Variants in F8 observed in about 807,000 individuals in gnomAD.
F8 encodes coagulation factor VIII.
A neutral mutation model predicts 140.6 loss-of-function variants in F8; 12 were observed. The ratio of observed to expected loss-of-function variants is 0.09; its 90% CI spans 0.05 to 0.14. The LOEUF (loss-of-function observed/expected upper bound fraction) is 0.14, where lower values mean the gene tolerates loss of function less well. F8 is among the 10% of genes least tolerant of loss of function. The probability of loss-of-function intolerance (pLI) is 1.00; values close to 1 mark genes in which losing one functional copy is unlikely to be tolerated. For missense variants in F8, 1,354 were observed against 1,720.7 expected (o/e 0.79, Z 3.77); for synonymous variants, 585 against 614.6 (o/e 0.95, Z 0.71).
At chrX:154,971,948 T>A (rs1347199883) in intron 6 of F8, among the ~76,000 whole-genome samples, 3 of 112,564 alleles carry the variant, frequency 2.7e-5, no homozygotes, top group Admixed American at 1.9e-4. Flanking sequence ...TAAGTTGATT[T>A]TATATCTTGA....
chrX:154,987,339 T>TA (rs1557284325), intron 4 of F8, 34 bp from the exon 5 acceptor site: 11 of 1,141,505 alleles, frequency 9.6e-6, no homozygotes, highest in Non-Finnish European at 1.3e-5. Flanking sequence ...ATCTTCTATT[T>TA]AAAAAATCTC....
chrX:154,926,860 C>T (rs899040430), intron 14 of F8, among the ~76,000 whole-genome samples: 1 of 111,734 alleles, frequency 8.9e-6, no homozygotes, highest in African/African-American at 3.3e-5. Context: ...ATAGATAGTA[C>T]TTAAAATCAT....
chrX:154,957,388 G>A (rs1435183732), intron 10 of F8, among the ~76,000 whole-genome samples: 1 of 111,488 alleles, frequency 9.0e-6, no homozygotes. Context: ...CTGTGAAAGT[G>A]TCAGGCCTGA....
intron 18 of F8, 60 bp downstream of exon 18, chrX:154,903,846 T>C: frequency 9.4e-7 from 1 of 1,059,358 alleles, no homozygotes; most frequent in Non-Finnish European, 1.3e-6. Context: ...GCCTAGACCA[T>C]TTAAAGTAAG....
intron 25 of F8, among the ~76,000 whole-genome samples, chrX:154,839,393 C>G (rs1196520526): frequency 2.9e-5 from 3 of 104,106 alleles, no homozygotes; most frequent in South Asian, 4.5e-4. Flanking sequence ...GACGGAGTCT[C>G]GCTCTGTCGC....
intron 25 of F8, among the ~76,000 whole-genome samples, chrX:154,847,571 C>A (rs926136043): frequency 3.6e-5 from 4 of 112,238 alleles, no homozygotes; most frequent in African/African-American, 9.7e-5. Flanking sequence ...TCCAGTTGAT[C>A]GCATCGGCTA....
chrX:154,932,520 T>C (rs2073203500), intron 13 of F8, among the ~76,000 whole-genome samples: 1 of 112,165 alleles, frequency 8.9e-6, no homozygotes, highest in Non-Finnish European at 1.9e-5. Context: ...AGATCTTAAC[T>C]GCATCCACCT....
chrX:154,928,996 C>A lies in F8; in HGVS notation c.4794G>T (p.Glu1598Asp), dbSNP rs782798175. Residue 1598 changes from glutamate (E) to aspartate (D), a missense_variant, in exon 14 of 26, where the codon GAG becomes GAT. Coordinates refer to ENST00000360256, the MANE Select transcript of F8 (RefSeq NM_000132.4). ...NHYGTQIPKE[E>D]WKSQEKSPEK... ...CTGGTGACTTCTCTTGGGATTTCCACTCTTCTTTTGGTATCTGAGTACCAT... is the reference window on the plus strand; with the variant it reads ...CTGGTGACTTCTCTTGGGATTTCCAATCTTCTTTTGGTATCTGAGTACCAT... 5.3e-5 allele frequency: 64 copies of A among 1,210,060 alleles called. No individual in the cohort carries two copies. The East Asian group carries it at 1.6e-3, about 30-fold the overall frequency.
At chrX:154,943,378 GCAAA>G (rs1219452832) in intron 13 of F8, among the ~76,000 whole-genome samples, 1 of 111,334 alleles carries the variant, frequency 9.0e-6, no homozygotes. Context: ...CCAATAACAG[GCAAA>G]CAGAGAGCCA....
At chrX:155,012,735 C>T (rs1380334096) in intron 1 of F8, among the ~76,000 whole-genome samples, 3 of 108,084 alleles carry the variant, frequency 2.8e-5, no homozygotes, top group African/African-American at 1.0e-4. Context: ...CAAACCAAAA[C>T]AAAAAACACT....
intron 1 of F8, 150 bp downstream of exon 1, chrX:155,022,258 AAC>A: frequency 1.7e-6 from 1 of 584,913 alleles, no homozygotes. Flanking sequence ...TTCTGCTAAT[AAC>A]ACAGATGTGT....
intron 11 of F8, 31 bp from the exon 12 acceptor site, chrX:154,954,073 G>T: frequency 8.4e-7 from 1 of 1,191,149 alleles, no homozygotes; most frequent in Non-Finnish European, 1.1e-6. Flanking sequence ...AAGGGGTAAA[G>T]AAATGCTACT....
rs782382715 is a variant in F8, at chrX:154,930,536, T to C, written c.3254A>G (p.Asn1085Ser). 1 of 1,211,654 alleles carries C rather than the reference T, an allele frequency of 8.3e-7. No individual in the cohort carries two copies. The highest frequency in any genetic ancestry group is 1.8e-5 in the South Asian group (1 of 56,998). Residue 1085 changes from asparagine (N) to serine (S), a missense_variant, in exon 14 of 26, where the codon AAT becomes AGT. By Grantham distance (46) the Asn-to-Ser change is conservative. Transcript: ENST00000360256. ...CATGTTTTTTGATGAAGTAGTTTTA[T>C]TTGACATATGATTTAGCCTCAAAGC... ...ATALRLNHMS[N>S]KTTSSKNMEM...
chrX:154,981,150 G>A (rs2073517769), intron 6 of F8, among the ~76,000 whole-genome samples: 1 of 111,237 alleles, frequency 9.0e-6, no homozygotes, highest in African/African-American at 3.3e-5. Flanking sequence ...CTTTCCGCCT[G>A]TGGTACTGCA....
At chrX:154,837,818 G>A (rs1165144832) in intron 25 of F8, 66 bp from the exon 26 acceptor site, 5 of 1,078,354 alleles carry the variant, frequency 4.6e-6, no homozygotes, top group Admixed American at 2.2e-5. Context: ...AAGCACAGAC[G>A]CTTTTCTCAC....
chrX:154,846,873 T>G lies in F8; in HGVS notation c.6901-9121A>C, dbSNP rs1371871603. Among the ~76,000 whole-genome samples, 4 of 112,204 alleles carry G rather than the reference T, an allele frequency of 3.6e-5. No individual in the cohort carries two copies. In the Admixed American group the frequency reaches 3.8e-4, roughly 11 times the overall value. Reference sequence around the variant, plus strand: ...CTCATTAGTTGATGCAGTTTCTTCCTAGCATCGATGGTCTTTACAATTTGG... The same window carrying G: ...CTCATTAGTTGATGCAGTTTCTTCCGAGCATCGATGGTCTTTACAATTTGG... On this transcript the variant is annotated intron_variant, in intron 25 of 25. Transcript: ENST00000360256.
intron 1 of F8, among the ~76,000 whole-genome samples, chrX:155,018,328 T>C (rs1248625698): frequency 8.9e-6 from 1 of 112,159 alleles, no homozygotes; most frequent in African/African-American, 3.2e-5. Flanking sequence ...GCATAAGAAA[T>C]CTCACTGTTC....
At chrX:154,981,839 T>C (rs1258081477) in intron 6 of F8, among the ~76,000 whole-genome samples, 2 of 110,922 alleles carry the variant, frequency 1.8e-5, no homozygotes, top group South Asian at 3.8e-4. Context: ...ATGGACCACA[T>C]AGGGTAAAAA....
intron 22 of F8, among the ~76,000 whole-genome samples, chrX:154,888,380 A>AGTTTTTTTTTTTT (rs2072913827): frequency 4.5e-5 from 1 of 22,280 alleles, no homozygotes; most frequent in Non-Finnish European, 6.7e-5. Flanking sequence ...TGTAATAGGG[A>AGTTTTTTTTTTTT]TTTTTTTTTT....
Sources: gnomAD v4.1 joint callset for allele counts (sites outside exome capture counted in the v4.1 genomes callset) on GRCh38, gnomAD v4.1.1 for gene constraint, MANE v1.5 for transcripts, NCBI Gene and HGNC (gene_info 2026-07-23, HGNC 2026-07-21) for gene names.